Variants in SLCO1B1 observed in about 807,000 individuals in gnomAD.
SLCO1B1 encodes the protein OATP-2.
In SLCO1B1, 81 loss-of-function variants were observed where a neutral mutation model predicts 70.1. The ratio of observed to expected loss-of-function variants is 1.16; its 90% confidence interval spans 0.97 to 1.39. The LOEUF (loss-of-function observed/expected upper bound fraction) is 1.39. SLCO1B1 is among the 40% of genes most tolerant of loss of function. The pLI, the probability that SLCO1B1 is intolerant of heterozygous loss-of-function variation, is 0.00. For missense variants in SLCO1B1, 895 were observed against 799.6 expected, an observed-to-expected ratio of 1.12 and a Z score of -1.44; for synonymous variants, 283 against 271.5, an observed-to-expected ratio of 1.04 and a Z score of -0.42.
At chr12:21,161,499 G>C (rs79987787) in intron 2 of SLCO1B1, among the ~76,000 whole-genome samples, 1 of 151,992 alleles carries the variant, frequency 6.6e-6, no homozygotes. Context: ...ACAAACACTG[G>C]GGTCTAGCTG....
Position 21,174,645 on chromosome 12 carries a change from A to T in SLCO1B1, c.295A>T (p.Ile99Phe). 4 of 1,613,314 alleles carry T rather than the reference A, an allele frequency of 2.5e-6. No homozygotes were observed. The highest frequency in any genetic ancestry group is 3.4e-6 in the Non-Finnish European group (4 of 1,179,608). ...SKLHRPKLIG[I>F]GCFIMGIGGV... ...ACTACATAGACCAAAGTTAATTGGAATCGGTTGTTTCATTATGGGAATTGG... is the reference window on the plus strand; with the variant it reads ...ACTACATAGACCAAAGTTAATTGGATTCGGTTGTTTCATTATGGGAATTGG... Residue 99 changes from isoleucine (I) to phenylalanine (F), a missense_variant, in exon 4 of 15, where the codon ATC (isoleucine) becomes TTC (phenylalanine). Transcript: ENST00000256958.
intron 1 of SLCO1B1, among the ~76,000 whole-genome samples, chr12:21,133,460 A>C (rs1209942288): frequency 6.6e-6 from 1 of 152,224 alleles, no homozygotes; most frequent in African/African-American, 2.4e-5. Context: ...CTTCCTGCCC[A>C]TGAGCATGGA....
chr12:21,209,198 T>TCC (rs1475012335), intron 11 of SLCO1B1, among the ~76,000 whole-genome samples: 7 of 151,404 alleles, frequency 4.6e-5, no homozygotes, highest in Admixed American at 4.6e-4. Flanking sequence ...CCCAATGCTA[T>TCC]CCCTCCCCCC....
chr12:21,150,002 C>T (rs567099970), intron 2 of SLCO1B1, among the ~76,000 whole-genome samples: 2 of 152,158 alleles, frequency 1.3e-5, no homozygotes, highest in East Asian at 1.9e-4. Flanking sequence ...CCGGGATGCT[C>T]GAGCTTGGTA....
At chr12:21,152,630 G>T (rs900788308) in intron 2 of SLCO1B1, among the ~76,000 whole-genome samples, 1 of 147,796 alleles carries the variant, frequency 6.8e-6, no homozygotes, top group African/African-American at 2.5e-5. Context: ...GGTAGAGTGA[G>T]ATGGATTTTG....
chr12:21,211,674 G>T (rs1259805488), intron 11 of SLCO1B1, among the ~76,000 whole-genome samples: 1 of 151,966 alleles, frequency 6.6e-6, no homozygotes, highest in Non-Finnish European at 1.5e-5. Context: ...GAATTCAGCT[G>T]TGAATCCATC....
chr12:21,232,597 A>G (rs1393321025), intron 14 of SLCO1B1, among the ~76,000 whole-genome samples: 2 of 152,160 alleles, frequency 1.3e-5, no homozygotes, highest in Admixed American at 6.6e-5. Context: ...AACAACACTA[A>G]AAGACAAATT....
intron 5 of SLCO1B1, among the ~76,000 whole-genome samples, chr12:21,177,404 CA>C (rs1277912019): frequency 2.6e-5 from 4 of 152,010 alleles, no homozygotes; most frequent in South Asian, 2.1e-4. Flanking sequence ...GCTTTCATTG[CA>C]AAAGGCAAAC....
intron 14 of SLCO1B1, among the ~76,000 whole-genome samples, chr12:21,227,597 TGAAAA>T (rs1238281368): frequency 1.3e-5 from 2 of 152,064 alleles, no homozygotes; most frequent in African/African-American, 2.4e-5. Flanking sequence ...GAGAAAGAAA[TGAAAA>T]GAAATTACAA....
intron 14 of SLCO1B1, among the ~76,000 whole-genome samples, chr12:21,229,651 G>T (rs1466081457): frequency 6.6e-6 from 1 of 152,026 alleles, no homozygotes; most frequent in Non-Finnish European, 1.5e-5. Flanking sequence ...TGGCTTCCAA[G>T]TTTCATGTTT....
chr12:21,209,215 C>A (rs1941250664), intron 11 of SLCO1B1, among the ~76,000 whole-genome samples: 1 of 152,024 alleles, frequency 6.6e-6, no homozygotes, highest in Non-Finnish European at 1.5e-5. Context: ...CCCCTCCTCC[C>A]ACCCCACAAC....
chr12:21,160,826 G>T (rs987968875), intron 2 of SLCO1B1, among the ~76,000 whole-genome samples: 1 of 151,324 alleles, frequency 6.6e-6, no homozygotes, highest in Non-Finnish European at 1.5e-5. Context: ...AAAAACAAAC[G>T]GCCTCATTAA....
In SLCO1B1 at chr12:21,210,412, G is replaced by T. The variant is rs1941268952; in HGVS notation, c.1497+4379G>T. ...TCTGAGGGCTCTGTTCTGTTCCATT[G>T]ATCTATATCTCTGTTTTGGTACCAG... On this transcript the variant is annotated intron_variant, in intron 11 of 14. Transcript: ENST00000256958. Among the ~76,000 whole-genome samples, 3 of 115,182 alleles carry T rather than the reference G, an allele frequency of 2.6e-5. No homozygotes were observed. In the South Asian group the frequency reaches 8.2e-4, roughly 32 times the overall value. 75.6% of individuals were successfully genotyped at this position (115,182 alleles called of 152,430 possible). A position where few individuals can be genotyped will look rare whatever the true frequency, so the allele number is the denominator to read the frequency against.
chr12:21,228,949 C>T (rs1490393310), intron 14 of SLCO1B1, among the ~76,000 whole-genome samples: 2 of 151,550 alleles, frequency 1.3e-5, no homozygotes, highest in South Asian at 4.2e-4. Context: ...TGGCCCTTAT[C>T]ACTTTCCTTT....
At chr12:21,192,067 A>G (rs890694515) in intron 7 of SLCO1B1, among the ~76,000 whole-genome samples, 2 of 151,904 alleles carry the variant, frequency 1.3e-5, no homozygotes, top group African/African-American at 4.8e-5. Flanking sequence ...ATTGGTTTGT[A>G]GTTTTCTTCC....
intron 1 of SLCO1B1, among the ~76,000 whole-genome samples, 172 bp from the exon 2 acceptor site, chr12:21,141,342 G>A (rs1008807533): frequency 9.2e-5 from 14 of 151,794 alleles, no homozygotes; most frequent in Admixed American, 3.3e-4. Context: ...ATTTGTGTCT[G>A]TCTTTCCTAC....
intron 4 of SLCO1B1, among the ~76,000 whole-genome samples, chr12:21,176,116 A>G (rs1041199839): frequency 4.6e-5 from 7 of 152,134 alleles, no homozygotes; most frequent in African/African-American, 1.7e-4. Context: ...AGGACCTTAT[A>G]TATTAAACTT....
At chr12:21,175,751 C>G (rs1219134401) in intron 4 of SLCO1B1, among the ~76,000 whole-genome samples, 2 of 151,660 alleles carry the variant, frequency 1.3e-5, no homozygotes, top group Non-Finnish European at 2.9e-5. Flanking sequence ...TTTTTTTCAT[C>G]TGCTTTTGGC....
At chr12:21,177,548 C>T (rs560854946) in intron 5 of SLCO1B1, among the ~76,000 whole-genome samples, 3 of 151,570 alleles carry the variant, frequency 2.0e-5, no homozygotes, top group Admixed American at 6.6e-5. Flanking sequence ...GAGGTAGAGG[C>T]AAAAAAGGAT....
Sources: gnomAD v4.1 joint callset for allele counts (sites outside exome capture counted in the v4.1 genomes callset) on GRCh38, gnomAD v4.1.1 for gene constraint, MANE v1.5 for transcripts, NCBI Gene and HGNC (gene_info 2026-07-23, HGNC 2026-07-21) for gene names.